The following GSTM1 variants were observed in gnomAD, a reference collection of about 807,000 sequenced individuals.
GSTM1 encodes GST HB subunit 4.
In GSTM1, 6 loss-of-function variants were observed where a neutral mutation model predicts 17.3. That is an observed-to-expected ratio of 0.35 (90% confidence interval 0.19 to 0.68). GSTM1 has a LOEUF of 0.68. Ranked by LOEUF, GSTM1 falls within the 30% of genes least tolerant of loss-of-function variation. The pLI is 0.65. For synonymous variants in GSTM1, 20 were observed against 53.6 expected, an observed-to-expected ratio of 0.37 and a Z score of 2.74; for missense variants, 62 against 155.9, an observed-to-expected ratio of 0.40 and a Z score of 3.21.
In GSTM1 at chr1:109,687,927, G is replaced by A; in HGVS notation, c.36+18G>A. On this transcript the variant is annotated intron_variant, in intron 1 of 7. Transcript: ENST00000309851. ...TCCGCGGGGTGAGCGAGGGTCCGCT[G>A]GACGGTGGGACGAGGGCGCAGGGGA... 1 of 781,664 alleles carries A rather than the reference G, an allele frequency of 1.3e-6. No homozygotes were observed. Among genetic ancestry groups the A allele is most frequent in the Non-Finnish European group, 1.9e-6 (1 of 537,566 alleles). The allele number at this position is 781,664 out of a possible 1,614,324, so 48.4% of individuals were successfully genotyped here.
At chr1:109,691,994 G>C (rs1359683740) in intron 7 of GSTM1, among the ~76,000 whole-genome samples, 1 of 77,934 alleles carries the variant, frequency 1.3e-5, no homozygotes, top group African/African-American at 3.7e-5. Context: ...GGGTGGAGGA[G>C]AGCTGAGGTC....
rs1266513721 is a variant in GSTM1, at chr1:109,689,299, G to A, written c.334G>A (p.Gly112Ser). ...GACCATGGACAACCATATGCAGCTG[G>A]GCATGATCTGCTACAATCCAGAATT... is the stretch of plus-strand genomic sequence containing the variant. Reference protein sequence around the residue: ...NQTMDNHMQLGMICYNPEFEK... With the variant: ...NQTMDNHMQLSMICYNPEFEK... The change falls in exon 5 of 8, where the codon GGC becomes AGC. Residue 112 changes from glycine to serine, a missense_variant. Transcript: ENST00000309851. The A allele has an allele frequency of 2.5e-6, 2 of 786,852 alleles. 1 individual carries two copies. The highest frequency in any genetic ancestry group is 3.8e-5 in the African/African-American group (2 of 52,646). The allele number at this position is 786,852 out of a possible 1,614,324, so 48.7% of individuals were successfully genotyped here. A position where few individuals can be genotyped will look rare whatever the true frequency, so the allele number is the denominator to read the frequency against.
chr1:109,689,022 G>T (rs1648031248), intron 3 of GSTM1, 26 bp from the exon 4 acceptor site: 1 of 792,648 alleles, frequency 1.3e-6, no homozygotes, highest in African/African-American at 1.9e-5. Flanking sequence ...GCCCAACTGA[G>T]CTTCGCCGGT....
Position 109,689,789 on chromosome 1 carries a change from G to GAGGCAGTC in GSTM1, c.360+467_361-472dup, listed in dbSNP as rs1225560931. Among the ~76,000 whole-genome samples, 2 of 80,428 alleles carry GAGGCAGTC rather than the reference G, an allele frequency of 2.5e-5. 1 individual carries two copies. The highest frequency in any genetic ancestry group is 7.1e-5 in the African/African-American group (2 of 28,292). The allele number at this position is 80,428 out of a possible 152,430, so 52.8% of individuals were successfully genotyped here. A position where few individuals can be genotyped will look rare whatever the true frequency, so the allele number is the denominator to read the frequency against. ...GCGCATTTTCATAACAGACAGCTCAGAGGCAGTCAGAGGGCCTTTATTCCT... is the reference window on the plus strand; with the variant it reads ...GCGCATTTTCATAACAGACAGCTCAGAGGCAGTCAGGCAGTCAGAGGGCCTTTATTCCT... On this transcript the variant is annotated intron_variant, in intron 5 of 7. Transcript: ENST00000309851.
chr1:109,688,934 T>C, intron 3 of GSTM1, 114 bp from the exon 4 acceptor site: 1 of 523,288 alleles, frequency 1.9e-6, no homozygotes, highest in South Asian at 2.1e-5. Flanking sequence ...ATTTCAGTCC[T>C]GCCATGAGCA....
rs1419091719 is a variant in GSTM1, at chr1:109,690,025, A to T, written c.361-246A>T. 2.6e-4 allele frequency among the ~76,000 whole-genome samples: 21 copies of T among 81,686 alleles called. 7 individuals are homozygous for T. The highest frequency in any genetic ancestry group is 6.6e-4 in the African/African-American group (19 of 28,788). The allele number at this position is 81,686 out of a possible 152,430, so 53.6% of individuals were successfully genotyped here. ...CCCAGAGGCTATTGGGAGGTCAGTGAGGACAGATTCAGGGACAGCATCTCA... is the reference window on the plus strand; with the variant it reads ...CCCAGAGGCTATTGGGAGGTCAGTGTGGACAGATTCAGGGACAGCATCTCA... On this transcript the variant is annotated intron_variant, in intron 5 of 7. Coordinates refer to ENST00000309851, the MANE Select transcript of GSTM1 (RefSeq NM_000561.4).
chr1:109,688,566 A>G lies in GSTM1; in HGVS notation c.113-107A>G, dbSNP rs1447820718. 2 of 455,390 alleles carry G rather than the reference A, an allele frequency of 4.4e-6. 1 individual carries two copies. Among genetic ancestry groups the G allele is most frequent in the Non-Finnish European group, 7.8e-6 (2 of 255,052 alleles). The allele number at this position is 455,390 out of a possible 1,614,324, so 28.2% of individuals were successfully genotyped here. ...ATGTGGGACTGAGTGGTCAGATTCT[A>G]GATCCACCTGTCTCAGGGATCTTGC... On this transcript the variant is annotated intron_variant, in intron 2 of 7. Transcript: ENST00000309851.
chr1:109,688,304 C>T lies in GSTM1; in HGVS notation c.112+59C>T, dbSNP rs112263771. On this transcript the variant is annotated intron_variant, in intron 2 of 7. Transcript: ENST00000309851. ...TCACGCTAAGTTGGCACCAAGCAAC[C>T]CATGGTGGCCACCTGTGGCTGCCTC... 19 of 775,354 alleles carry T rather than the reference C, an allele frequency of 2.5e-5. 6 individuals carry two copies. The highest frequency in any genetic ancestry group is 3.8e-4 in the Middle Eastern group (1 of 2,662). The allele number at this position is 775,354 out of a possible 1,614,324, so 48.0% of individuals were successfully genotyped here.
chr1:109,689,121 A>C lies in GSTM1; in HGVS notation c.251A>C (p.His84Pro), dbSNP rs1317720029. The change falls in exon 4 of 8, where the codon CAC becomes CCC. Residue 84 changes from histidine to proline, a missense_variant. By Grantham distance (77) the His-to-Pro change is moderately conservative. Coordinates refer to ENST00000309851, the MANE Select transcript of GSTM1 (RefSeq NM_000561.4). ...ATCTTGTGCTACATTGCCCGCAAGC[A>C]CAACCTGTGTGAGTGTGGGTGGCTG... ...NAILCYIARK[H>P]NLCGETEEEK... is the part of the protein sequence containing the mutation. The C allele has an allele frequency of 1.3e-6, 1 of 796,698 alleles. No individual in the cohort carries two copies. The highest frequency in any genetic ancestry group is 1.8e-6 in the Non-Finnish European group (1 of 552,486). The allele number at this position is 796,698 out of a possible 1,614,324, so 49.4% of individuals were successfully genotyped here. A position where few individuals can be genotyped will look rare whatever the true frequency, so the allele number is the denominator to read the frequency against.
chr1:109,687,938 C>A lies in GSTM1; in HGVS notation c.36+29C>A. ...AGCGAGGGTCCGCTGGACGGTGGGA[C>A]GAGGGCGCAGGGGAGGGAAGTGCGA... On this transcript the variant is annotated intron_variant, in intron 1 of 7. Coordinates refer to ENST00000309851, the MANE Select transcript of GSTM1 (RefSeq NM_000561.4). 3 of 773,432 alleles carry A rather than the reference C, an allele frequency of 3.9e-6. 1 individual carries two copies. Among genetic ancestry groups the A allele is most frequent in the Non-Finnish European group, 5.7e-6 (3 of 530,382 alleles). 47.9% of individuals were successfully genotyped at this position (773,432 alleles called of 1,614,324 possible).
chr1:109,689,298 G>A lies in GSTM1; in HGVS notation c.333G>A (p.Leu111=). ...ENQTMDNHMQ[L]GMICYNPEFE... ...AGACCATGGACAACCATATGCAGCTGGGCATGATCTGCTACAATCCAGAAT... is the reference window on the plus strand; with the variant it reads ...AGACCATGGACAACCATATGCAGCTAGGCATGATCTGCTACAATCCAGAAT... The change falls in exon 5 of 8, where the codon CTG becomes CTA. Residue 111 remains leucine (L), a synonymous_variant. Transcript: ENST00000309851. The A allele has an allele frequency of 7.6e-6, 6 of 788,434 alleles. 3 individuals carry two copies. Among genetic ancestry groups the A allele is most frequent in the Non-Finnish European group, 1.1e-5 (6 of 546,142 alleles). The allele number at this position is 788,434 out of a possible 1,614,324, so 48.8% of individuals were successfully genotyped here. A position where few individuals can be genotyped will look rare whatever the true frequency, so the allele number is the denominator to read the frequency against.
Position 109,688,783 on chromosome 1 carries a change from C to T in GSTM1, c.177+46C>T. The T allele has an allele frequency of 4.2e-6, 3 of 722,426 alleles. 1 individual carries two copies. The highest frequency in any genetic ancestry group is 6.2e-6 in the Non-Finnish European group (3 of 486,208). The allele number at this position is 722,426 out of a possible 1,614,324, so 44.8% of individuals were successfully genotyped here. On this transcript the variant is annotated intron_variant, in intron 3 of 7. Transcript: ENST00000309851. ...GGTTTTGGGGGAAAGTGCAACGTGT[C>T]TCTGACTGCATCTCCTCTCCCCAGC...
intron 7 of GSTM1, among the ~76,000 whole-genome samples, chr1:109,692,704 G>T (rs1319701182): frequency 1.3e-5 from 1 of 78,802 alleles, no homozygotes; most frequent in African/African-American, 3.6e-5. Context: ...GACTGTTTGT[G>T]CAGTCAAGGA....
chr1:109,691,986 G>A lies in GSTM1; in HGVS notation c.568-1220G>A, dbSNP rs1352763221. ...TGTAAGAGGTGGTGGGAAGGGAGGGGTGGAGGAGAGCTGAGGTCTATGGCC... is the reference window on the plus strand; with the variant it reads ...TGTAAGAGGTGGTGGGAAGGGAGGGATGGAGGAGAGCTGAGGTCTATGGCC... On this transcript the variant is annotated intron_variant, in intron 7 of 7. Transcript: ENST00000309851. Among the ~76,000 whole-genome samples, 4 of 79,352 alleles carry A rather than the reference G, an allele frequency of 5.0e-5. 1 individual carries two copies. Among genetic ancestry groups the A allele is most frequent in the African/African-American group, 1.4e-4 (4 of 27,850 alleles). The allele number at this position is 79,352 out of a possible 152,430, so 52.1% of individuals were successfully genotyped here.
Position 109,688,820 on chromosome 1 carries a change from A to C in GSTM1, c.177+83A>C. ...CTCCTCTCCCCAGCTTAGAGGTGTT[A>C]AGATCAGGAGTCTTCTGCCCAATTC... On this transcript the variant is annotated intron_variant, in intron 3 of 7. Coordinates refer to ENST00000309851, the MANE Select transcript of GSTM1 (RefSeq NM_000561.4). 1.5e-5 allele frequency: 9 copies of C among 617,188 alleles called. 3 individuals carry two copies. The highest frequency in any genetic ancestry group is 1.4e-4 in the South Asian group (7 of 49,980). 38.2% of individuals were successfully genotyped at this position (617,188 alleles called of 1,614,324 possible).
At position 109,687,907 on chromosome 1, in the gene GSTM1, G is replaced by A; in HGVS notation, c.34G>A (p.Gly12Arg). The change falls in exon 1 of 8, where the codon GGG (glycine) becomes AGG (arginine). Residue 12 changes from glycine (G) to arginine (R), a missense_variant and splice_region_variant. Physicochemically the swap from Gly to Arg is moderately radical, Grantham distance 125 (BLOSUM62 -2). Coordinates refer to ENST00000309851, the MANE Select transcript of GSTM1 (RefSeq NM_000561.4). ...PMILGYWDIRGLAHAIRLLLE... is the reference protein window; with the variant it reads ...PMILGYWDIRRLAHAIRLLLE... Reference sequence around the variant, plus strand: ...GATACTGGGGTACTGGGACATCCGCGGGGTGAGCGAGGGTCCGCTGGACGG... The same window carrying A: ...GATACTGGGGTACTGGGACATCCGCAGGGTGAGCGAGGGTCCGCTGGACGG... 1 of 793,832 alleles carries A rather than the reference G, an allele frequency of 1.3e-6. No homozygotes were observed. Among genetic ancestry groups the A allele is most frequent in the African/African-American group, 1.9e-5 (1 of 53,872 alleles). The allele number at this position is 793,832 out of a possible 1,614,324, so 49.2% of individuals were successfully genotyped here.
chr1:109,689,445 A>T, intron 5 of GSTM1, 120 bp downstream of exon 5: 1 of 354,614 alleles, frequency 2.8e-6, no homozygotes, highest in Non-Finnish European at 5.5e-6. Flanking sequence ...GCTTTCCCAT[A>T]CTATCAGCAG....
rs1461642405 is a variant in GSTM1, at chr1:109,687,856, T to C, written c.-18T>C. The C allele has an allele frequency of 1.3e-6, 1 of 787,136 alleles. No individual in the cohort carries two copies. The highest frequency in any genetic ancestry group is 3.0e-5 in the Admixed American group (1 of 32,910). 48.8% of individuals were successfully genotyped at this position (787,136 alleles called of 1,614,324 possible). On this transcript the variant is annotated 5_prime_UTR_variant, in exon 1 of 8. Transcript: ENST00000309851. ...GCTCGGTTTAGGCCTGTCTGCGGAA[T>C]CCGCACCAACCAGCACCATGCCCAT...
Position 109,688,265 on chromosome 1 carries a change from C to T in GSTM1, c.112+20C>T. The T allele has an allele frequency of 1.3e-6, 1 of 797,734 alleles. No homozygotes were observed. Among genetic ancestry groups the T allele is most frequent in the South Asian group, 1.8e-5 (1 of 54,662 alleles). 49.4% of individuals were successfully genotyped at this position (797,734 alleles called of 1,614,324 possible). A position where few individuals can be genotyped will look rare whatever the true frequency, so the allele number is the denominator to read the frequency against. On this transcript the variant is annotated intron_variant, in intron 2 of 7. Coordinates refer to ENST00000309851, the MANE Select transcript of GSTM1 (RefSeq NM_000561.4). ...GGGACGGTAATGGCACCCTCGTGTTCGGGCTCTGCCCACTCACGCTAAGTT... is the reference window on the plus strand; with the variant it reads ...GGGACGGTAATGGCACCCTCGTGTTTGGGCTCTGCCCACTCACGCTAAGTT...
Sources: allele counts gnomAD v4.1 joint callset (sites outside exome capture counted in the v4.1 genomes callset), GRCh38; gene constraint gnomAD v4.1.1; transcripts MANE v1.5; gene names NCBI Gene and HGNC (gene_info 2026-07-23, HGNC 2026-07-21).